Variants in P2RY8 observed in about 807,000 individuals in gnomAD.
P2RY8 encodes the protein S-geranylgeranyl-glutathione receptor P2RY8.
Under a neutral mutation model 10.0 loss-of-function variants are expected in P2RY8, and 6 were observed. The observed-to-expected ratio is 0.60, with a 90% confidence interval of 0.33 to 1.19. The LOEUF is 1.19. Ranked by LOEUF, P2RY8 falls within the 50% of genes most tolerant of loss-of-function variation. P2RY8 has a pLI of 0.04. For synonymous variants in P2RY8, 276 were observed against 252.5 expected (o/e 1.09, Z -0.88); for missense variants, 456 against 542.0 (o/e 0.84, Z 1.58).
intron 1 of P2RY8, among the ~76,000 whole-genome samples, chrX:1,474,665 T>C (rs758810171): frequency 6.2e-5 from 9 of 145,108 alleles, no homozygotes; most frequent in African/African-American, 2.3e-4. Context: ...TGTGGGTGGA[T>C]GGATGGGTGG....
At chrX:1,512,777 G>C (rs1463427692) in intron 1 of P2RY8, among the ~76,000 whole-genome samples, 3 of 151,902 alleles carry the variant, frequency 2.0e-5, no homozygotes, top group African/African-American at 7.3e-5. Flanking sequence ...GAACAGTATG[G>C]GAGAAAACTG....
At chrX:1,487,828 G>A (rs1209805599) in intron 1 of P2RY8, among the ~76,000 whole-genome samples, 6 of 152,122 alleles carry the variant, frequency 3.9e-5, no homozygotes, top group East Asian at 1.9e-4. Flanking sequence ...AAAGAAGGCC[G>A]GGCCAGGCGC....
chrX:1,487,437 A>G (rs2091996782), intron 1 of P2RY8, among the ~76,000 whole-genome samples: 1 of 151,970 alleles, frequency 6.6e-6, no homozygotes, highest in African/African-American at 2.4e-5. Context: ...GGGGACACTG[A>G]GGGGCAGAGG....
chrX:1,535,184 CTTTTTTTT>C, intron 1 of P2RY8, among the ~76,000 whole-genome samples: 1 of 80,632 alleles, frequency 1.2e-5, no homozygotes, highest in Non-Finnish European at 2.2e-5. Context: ...GGGATAATTC[CTTTTTTTT>C]TTTTTTTTTT....
rs1462797565 is a variant in P2RY8, at chrX:1,466,080, C to A, written c.479G>T (p.Arg160Leu). The A allele has an allele frequency of 1.9e-6, 3 of 1,611,472 alleles. No homozygotes were observed. Among genetic ancestry groups the A allele is most frequent in the African/African-American group, 1.3e-5 (1 of 74,862 alleles). Residue 160 changes from arginine to leucine, a missense_variant, in exon 2 of 2, where the codon CGC becomes CTC. Physicochemically the swap from Arg to Leu is moderately radical, Grantham distance 102. Coordinates refer to ENST00000381297, the MANE Select transcript of P2RY8 (RefSeq NM_178129.5). ...GTGCACCGGGTAGGTGAGATCGGTG[C>A]GCGCCAGCGGGGACAGGGCGGTCAG... is the stretch of plus-strand genomic sequence containing the variant. ...LLLTALSPLARTDLTYPVHAL... is the reference protein window; with the variant it reads ...LLLTALSPLALTDLTYPVHAL...
intron 1 of P2RY8, among the ~76,000 whole-genome samples, chrX:1,527,706 TATCCATCCATCC>T (rs373084254): frequency 1.3e-5 from 2 of 151,330 alleles, no homozygotes; most frequent in African/African-American, 2.4e-5. Context: ...TTTACTCATC[TATCCATCCATCC>T]ATCCATCCAT....
intron 1 of P2RY8, among the ~76,000 whole-genome samples, chrX:1,525,952 C>T (rs1166698730): frequency 1.3e-5 from 2 of 152,004 alleles, no homozygotes; most frequent in Admixed American, 6.6e-5. Context: ...ATCCACTTAT[C>T]AATACACCCA....
intron 1 of P2RY8, among the ~76,000 whole-genome samples, chrX:1,502,159 C>T (rs1308008713): frequency 6.7e-6 from 1 of 150,002 alleles, no homozygotes; most frequent in African/African-American, 2.5e-5. Flanking sequence ...GATCCACCCA[C>T]CTCGGCCTCT....
chrX:1,479,474 T>C (rs1391786304), intron 1 of P2RY8, among the ~76,000 whole-genome samples: 2 of 152,246 alleles, frequency 1.3e-5, no homozygotes, highest in Non-Finnish European at 2.9e-5. Context: ...ATATTTTAAA[T>C]GGAATGCATG....
At chrX:1,501,450 T>C (rs1471530977) in intron 1 of P2RY8, among the ~76,000 whole-genome samples, 1 of 151,636 alleles carries the variant, frequency 6.6e-6, no homozygotes, top group African/African-American at 2.4e-5. Context: ...CAACCTCAAC[T>C]TCCTGGCCTG....
chrX:1,508,980 CATCT>C (rs1487103126), intron 1 of P2RY8, among the ~76,000 whole-genome samples: 5 of 145,932 alleles, frequency 3.4e-5, no homozygotes, highest in Admixed American at 2.1e-4. Context: ...TCTATTCATC[CATCT>C]GTCTATCCTG....
At chrX:1,495,170 CAG>C (rs2092104016) in intron 1 of P2RY8, among the ~76,000 whole-genome samples, 1 of 152,072 alleles carries the variant, frequency 6.6e-6, no homozygotes, top group Non-Finnish European at 1.5e-5. Flanking sequence ...GCCTGGGTGA[CAG>C]AGCAGGACCC....
At position 1,465,864 on chromosome X, in the gene P2RY8, C is replaced by A; in HGVS notation, c.695G>T (p.Arg232Leu). 6.2e-7 allele frequency: 1 copy of A among 1,612,474 alleles called. No individual in the cohort carries two copies. The highest frequency in any genetic ancestry group is 8.5e-7 in the Non-Finnish European group (1 of 1,179,642). The change falls in exon 2 of 2, where the codon CGG becomes CTG. Residue 232 changes from arginine to leucine, a missense_variant. Physicochemically the swap from Arg to Leu is moderately radical, Grantham distance 102. Transcript: ENST00000381297. The stretch of plus-strand genomic sequence containing the variant: ...CGCGGCCAGGCCCACCGCGCGCCTC[C>A]GCTGCTCCCGGCCGTGCGCCTCCTC... The part of the protein sequence containing the change: ...RTEEAHGREQ[R>L]RRAVGLAAVV...
Position 1,532,427 on chromosome X carries a change from A to G in P2RY8, c.-25+4494T>C, listed in dbSNP as rs1212304143. Among the ~76,000 whole-genome samples the G allele has an allele frequency of 3.8e-3, 214 of 56,924 alleles. 15 individuals carry two copies. The highest frequency in any genetic ancestry group is 8.0e-3 in the East Asian group (11 of 1,380). 37.3% of individuals were successfully genotyped at this position (56,924 alleles called of 152,430 possible). Reference sequence around the variant, plus strand: ...ATATATGTATATGATGTGTATATATACACATATATGTATATATGTATATGT... The same window carrying G: ...ATATATGTATATGATGTGTATATATGCACATATATGTATATATGTATATGT... On this transcript the variant is annotated intron_variant, in intron 1 of 1. Transcript: ENST00000381297.
intron 1 of P2RY8, among the ~76,000 whole-genome samples, chrX:1,508,230 G>A (rs1394714340): frequency 1.3e-5 from 2 of 152,170 alleles, no homozygotes; most frequent in South Asian, 2.1e-4. Context: ...GGGAGGTGGC[G>A]TTCATGCTGC....
At chrX:1,468,263 G>A (rs774103150) in intron 1 of P2RY8, among the ~76,000 whole-genome samples, 21 of 152,320 alleles carry the variant, frequency 1.4e-4, no homozygotes, top group Middle Eastern at 3.4e-3. Context: ...AACTCTCCAC[G>A]TAGGCAGCAG....
chrX:1,479,516 AATTT>A, intron 1 of P2RY8, among the ~76,000 whole-genome samples: 1 of 152,376 alleles, frequency 6.6e-6, no homozygotes, highest in Middle Eastern at 3.4e-3. Context: ...TAAAATCAAT[AATTT>A]AAGTTTCCAC....
At chrX:1,480,667 G>T (rs768664928) in intron 1 of P2RY8, among the ~76,000 whole-genome samples, 5 of 152,156 alleles carry the variant, frequency 3.3e-5, no homozygotes, top group Admixed American at 6.6e-5. Flanking sequence ...ACCAGGGCCT[G>T]TCGGGGGGTG....
Position 1,465,597 on chromosome X carries a change from C to A in P2RY8, c.962G>T (p.Arg321Leu). 1 of 1,613,114 alleles carries A rather than the reference C, an allele frequency of 6.2e-7. No homozygotes were observed. Among genetic ancestry groups the A allele is most frequent in the Non-Finnish European group, 8.5e-7 (1 of 1,179,798 alleles). Residue 321 changes from arginine (R) to leucine (L), a missense_variant, in exon 2 of 2, where the codon CGC becomes CTC. By Grantham distance (102) the Arg-to-Leu change is moderately radical (BLOSUM62 -2). Transcript: ENST00000381297. ...CCTGGCGGAGAAGAGGCTCTCGCGG[C>A]GCGTGTCCAGGGTGTCTCTGGGCAC... is the stretch of plus-strand genomic sequence containing the variant. ...RRVPRDTLDT[R>L]RESLFSARTT...
Sources: gnomAD v4.1 joint callset for allele counts (sites outside exome capture counted in the v4.1 genomes callset) on GRCh38, gnomAD v4.1.1 for gene constraint, MANE v1.5 for transcripts, NCBI Gene and HGNC (gene_info 2026-07-23, HGNC 2026-07-21) for gene names.